Variants in ADAM32 observed in about 807,000 individuals in gnomAD.
ADAM32 encodes disintegrin and metalloproteinase domain-containing protein 32.
Under a neutral mutation model 114.9 loss-of-function variants are expected in ADAM32, and 89 were observed. The observed-to-expected ratio is 0.77, with a 90% CI of 0.65 to 0.92. The LOEUF (loss-of-function observed/expected upper bound fraction) is 0.92. ADAM32 is among the 40% of genes least tolerant of loss of function. The pLI is 0.00. For synonymous variants in ADAM32, 285 were observed against 307.5 expected (o/e 0.93, Z 0.77); for missense variants, 870 against 932.8 (o/e 0.93, Z 0.88).
chr8:39,170,045 T>G, intron 10 of ADAM32, 48 bp downstream of exon 10: 1 of 1,355,932 alleles, frequency 7.4e-7, no homozygotes, highest in Non-Finnish European at 1.0e-6. Flanking sequence ...GTTTAAAAAT[T>G]ATTTGACATG....
chr8:39,259,347 G>A lies in ADAM32; in HGVS notation c.2162+2004G>A, dbSNP rs571869301. Among the ~76,000 whole-genome samples, 3 of 151,858 alleles carry A rather than the reference G, an allele frequency of 2.0e-5. No individual in the cohort carries two copies. In the East Asian group the frequency reaches 5.8e-4, roughly 30 times the overall value. ...CCCCAGAAGCTGGTATTACAGGCGT[G>A]CACCACCACGCCTGGCTAATTTTTT... On this transcript the variant is annotated intron_variant, in intron 19 of 24. Coordinates refer to ENST00000379907, the MANE Select transcript of ADAM32 (RefSeq NM_145004.7).
intron 11 of ADAM32, among the ~76,000 whole-genome samples, chr8:39,208,327 T>G (rs992339151): frequency 2.0e-5 from 3 of 152,146 alleles, no homozygotes; most frequent in Non-Finnish European, 4.4e-5. Context: ...TTCTCCCCAA[T>G]TTTGACTTTT....
intron 23 of ADAM32, 123 bp from the exon 24 acceptor site, chr8:39,283,463 T>G (rs1262274667): frequency 3.7e-6 from 2 of 541,694 alleles, no homozygotes; most frequent in Non-Finnish European, 2.7e-6. Flanking sequence ...ATTTGGCAAA[T>G]ATTTCTTTTT....
intron 19 of ADAM32, among the ~76,000 whole-genome samples, chr8:39,267,268 T>A (rs563726657): frequency 3.0e-4 from 45 of 152,334 alleles, no homozygotes; most frequent in Non-Finnish European, 5.7e-4. Context: ...CCCAGACTAC[T>A]ACTAATCTGC....
At chr8:39,125,049 G>A (rs1405687909) in intron 2 of ADAM32, among the ~76,000 whole-genome samples, 1 of 152,088 alleles carries the variant, frequency 6.6e-6, no homozygotes. Flanking sequence ...TCTAACTAGT[G>A]TAAGATAGTA....
At chr8:39,275,782 G>A (rs1397916136) in intron 21 of ADAM32, 46 bp from the exon 22 acceptor site, 9 of 1,519,916 alleles carry the variant, frequency 5.9e-6, no homozygotes, top group South Asian at 5.1e-5. Context: ...AGGCACATTT[G>A]TGTTAAGTAT....
At chr8:39,204,512 T>C (rs1463859347) in intron 11 of ADAM32, among the ~76,000 whole-genome samples, 1 of 152,230 alleles carries the variant, frequency 6.6e-6, no homozygotes, top group Admixed American at 6.5e-5. Context: ...CTACACTGGT[T>C]ATTCTAGTTA....
chr8:39,257,461 A>G (rs542785896), intron 19 of ADAM32, 118 bp downstream of exon 19: 18 of 1,192,198 alleles, frequency 1.5e-5, no homozygotes, highest in Non-Finnish European at 1.8e-5. Context: ...TGAGTATTAC[A>G]TCAATATGTC....
intron 12 of ADAM32, among the ~76,000 whole-genome samples, chr8:39,214,191 G>A (rs1202425807): frequency 6.6e-6 from 1 of 152,032 alleles, no homozygotes; most frequent in Non-Finnish European, 1.5e-5. Flanking sequence ...CCATTCTTTT[G>A]GGTACATACC....
chr8:39,176,737 T>C (rs1805555314), intron 10 of ADAM32, among the ~76,000 whole-genome samples: 1 of 152,184 alleles, frequency 6.6e-6, no homozygotes, highest in Non-Finnish European at 1.5e-5. Context: ...GTCCTGTATA[T>C]CTTTGTTAAT....
intron 14 of ADAM32, among the ~76,000 whole-genome samples, chr8:39,228,001 A>ACCCCT (rs1337096461): frequency 2.0e-5 from 3 of 152,142 alleles, no homozygotes; most frequent in African/African-American, 7.2e-5. Flanking sequence ...TTCACATTAG[A>ACCCCT]AGACTCTGTG....
intron 1 of ADAM32, among the ~76,000 whole-genome samples, chr8:39,109,666 T>C (rs1415161364): frequency 6.6e-6 from 1 of 152,212 alleles, no homozygotes; most frequent in Non-Finnish European, 1.5e-5. Context: ...TATGAACAGC[T>C]TCTCCCACTA....
intron 12 of ADAM32, among the ~76,000 whole-genome samples, chr8:39,216,565 T>G (rs1808581012): frequency 6.6e-6 from 1 of 151,964 alleles, no homozygotes; most frequent in African/African-American, 2.4e-5. Context: ...GATTTTCCTC[T>G]GGTGATATGA....
chr8:39,283,757 A>T, intron 24 of ADAM32, 133 bp downstream of exon 24: 4 of 514,352 alleles, frequency 7.8e-6, no homozygotes, highest in Admixed American at 4.3e-5. Context: ...TAAATAACCT[A>T]TCTTTCTTTT....
intron 11 of ADAM32, among the ~76,000 whole-genome samples, chr8:39,187,514 G>A (rs545384655): frequency 7.9e-5 from 12 of 151,984 alleles, no homozygotes; most frequent in African/African-American, 2.2e-4. Flanking sequence ...CTCATGATCC[G>A]CCCGCCTCGG....
intron 19 of ADAM32, among the ~76,000 whole-genome samples, chr8:39,265,965 T>G (rs953479052): frequency 6.6e-6 from 1 of 152,210 alleles, no homozygotes; most frequent in African/African-American, 2.4e-5. Context: ...AAATTTCCTT[T>G]CTTTAAGGAT....
At chr8:39,231,628 A>G (rs546068831) in intron 14 of ADAM32, among the ~76,000 whole-genome samples, 1 of 152,338 alleles carries the variant, frequency 6.6e-6, no homozygotes, top group East Asian at 1.9e-4. Flanking sequence ...ACCTGAAGAT[A>G]CAACGAAGTT....
At chr8:39,124,223 C>A (rs1356348625) in intron 2 of ADAM32, among the ~76,000 whole-genome samples, 1 of 151,892 alleles carries the variant, frequency 6.6e-6, no homozygotes, top group Non-Finnish European at 1.5e-5. Context: ...CCCCACTATG[C>A]GTCCATATGT....
chr8:39,256,603 G>A (rs1056473837), intron 18 of ADAM32, among the ~76,000 whole-genome samples: 2 of 151,908 alleles, frequency 1.3e-5, no homozygotes, highest in Non-Finnish European at 2.9e-5. Context: ...GGGGATGTAC[G>A]GTGAGCAAAA....
Sources: gnomAD v4.1 joint callset for allele counts (sites outside exome capture counted in the v4.1 genomes callset) on GRCh38, gnomAD v4.1.1 for gene constraint, MANE v1.5 for transcripts, NCBI Gene and HGNC (gene_info 2026-07-23, HGNC 2026-07-21) for gene names.